Variants in CSNK1G1 observed in about 807,000 individuals in gnomAD.
CSNK1G1 encodes casein kinase I isoform gamma-1.
A neutral mutation model predicts 59.6 loss-of-function variants in CSNK1G1; 22 were observed. The observed-to-expected ratio is 0.37, with a 90% confidence interval of 0.26 to 0.53. CSNK1G1 has a LOEUF of 0.53. CSNK1G1 is among the 20% of genes least tolerant of loss of function. CSNK1G1 has a pLI of 0.89. For synonymous variants in CSNK1G1, 179 were observed against 177.1 expected (o/e 1.01, Z -0.08); for missense variants, 384 against 519.5 (o/e 0.74, Z 2.54).
chr15:64,300,486 C>A lies in CSNK1G1; in HGVS notation c.14G>T (p.Ser5Ile), dbSNP rs1596243916. 6.2e-7 allele frequency: 1 copy of A among 1,614,106 alleles called. No homozygotes were observed. The highest frequency in any genetic ancestry group is 8.5e-7 in the Non-Finnish European group (1 of 1,179,960). The change falls in exon 2 of 12, where the codon AGT (serine) becomes ATT (isoleucine). Residue 5 changes from serine (S) to isoleucine (I), a missense_variant. Physicochemically the swap from Ser to Ile is moderately radical, Grantham distance 142. Transcript: ENST00000303052. MDHPSREKDERQRTT... is the reference protein window; with the variant it reads MDHPIREKDERQRTT... ...CCGTTGTCTTTCATCCTTTTCCCTA[C>A]TAGGATGGTCCATGATCCTACAGGA...
At chr15:64,244,168 CA>C (rs1422223358) in intron 4 of CSNK1G1, among the ~76,000 whole-genome samples, 5 of 150,720 alleles carry the variant, frequency 3.3e-5, no homozygotes, top group African/African-American at 1.2e-4. Flanking sequence ...GACTCTGTCT[CA>C]AAAAATAAAA....
chr15:64,261,382 C>T (rs2140333065), intron 2 of CSNK1G1, among the ~76,000 whole-genome samples: 1 of 152,148 alleles, frequency 6.6e-6, no homozygotes, highest in Middle Eastern at 3.4e-3. Flanking sequence ...GGGTGGATCA[C>T]CTGAGGTCAG....
chr15:64,187,581 A>G (rs1193334760), intron 10 of CSNK1G1, among the ~76,000 whole-genome samples: 1 of 152,186 alleles, frequency 6.6e-6, no homozygotes, highest in Non-Finnish European at 1.5e-5. Context: ...AGATCTTTCC[A>G]TGAATCACTC....
intron 2 of CSNK1G1, among the ~76,000 whole-genome samples, chr15:64,282,497 C>T (rs1359843035): frequency 6.6e-6 from 1 of 152,028 alleles, no homozygotes. Flanking sequence ...AACTCCTGAC[C>T]TCAAGAGATC....
intron 4 of CSNK1G1, among the ~76,000 whole-genome samples, chr15:64,242,440 G>C (rs1458317291): frequency 6.6e-6 from 1 of 152,044 alleles, no homozygotes; most frequent in Non-Finnish European, 1.5e-5. Context: ...TTTGTATTGT[G>C]ATGTACCAGT....
intron 3 of CSNK1G1, among the ~76,000 whole-genome samples, chr15:64,253,066 C>T (rs773072909): frequency 3.3e-5 from 5 of 151,966 alleles, no homozygotes; most frequent in Admixed American, 2.0e-4. Context: ...TAAAATAGGA[C>T]GGGCATGGTG....
intron 2 of CSNK1G1, among the ~76,000 whole-genome samples, chr15:64,259,483 TACACACACACAC>T (rs59936401): frequency 0.033 from 4,680 of 139,800 alleles, 85 homozygotes; most frequent in African/African-American, 0.065. Flanking sequence ...AAATCTCTCT[TACACACACACAC>T]ACACACACAC....
chr15:64,206,106 G>A (rs1303863385), intron 7 of CSNK1G1, among the ~76,000 whole-genome samples: 2 of 152,168 alleles, frequency 1.3e-5, no homozygotes, highest in South Asian at 4.1e-4. Flanking sequence ...AGGAGCTCGA[G>A]ACCAGCCTGA....
At chr15:64,323,792 T>C (rs1566947732) in intron 1 of CSNK1G1, among the ~76,000 whole-genome samples, 1 of 152,202 alleles carries the variant, frequency 6.6e-6, no homozygotes, top group Non-Finnish European at 1.5e-5. Context: ...TATAGCTATG[T>C]GGAAATGCAA....
At chr15:64,284,944 C>T (rs1280184121) in intron 2 of CSNK1G1, among the ~76,000 whole-genome samples, 1 of 152,024 alleles carries the variant, frequency 6.6e-6, no homozygotes, top group African/African-American at 2.4e-5. Context: ...AAAAATTCCA[C>T]ATTTAGCCTT....
chr15:64,314,689 G>C (rs1173491026), intron 1 of CSNK1G1, among the ~76,000 whole-genome samples: 1 of 151,998 alleles, frequency 6.6e-6, no homozygotes, highest in Non-Finnish European at 1.5e-5. Context: ...TATGAGTTCA[G>C]TTGTTTTAGA....
intron 1 of CSNK1G1, among the ~76,000 whole-genome samples, chr15:64,346,420 GTTTTTATTTATT>G (rs1363196216): frequency 7.5e-6 from 1 of 133,348 alleles, no homozygotes; most frequent in African/African-American, 2.8e-5. Context: ...TTGGAAACGA[GTTTTTATTTATT>G]TATTTATTTA....
At chr15:64,302,307 G>A (rs1895398235) in intron 1 of CSNK1G1, among the ~76,000 whole-genome samples, 1 of 151,916 alleles carries the variant, frequency 6.6e-6, no homozygotes, top group African/African-American at 2.4e-5. Flanking sequence ...CACCATGTTG[G>A]CCAGGCTGGT....
Position 64,300,047 on chromosome 15 carries a change from T to C in CSNK1G1, c.181+272A>G, listed in dbSNP as rs56006354. 3.5e-3 allele frequency among the ~76,000 whole-genome samples: 528 copies of C among 152,282 alleles called. 5 individuals are homozygous for C. The highest frequency in any genetic ancestry group is 0.012 in the Admixed American group (188 of 15,286). On this transcript the variant is annotated intron_variant, in intron 2 of 11. Coordinates refer to ENST00000303052, the MANE Select transcript of CSNK1G1 (RefSeq NM_022048.5). ...ACATCCTAAATCAGAGTCTGCATTT[T>C]ACTGATATCTGTATGCAACTCTATG...
At chr15:64,230,724 C>T (rs535101690) in intron 4 of CSNK1G1, among the ~76,000 whole-genome samples, 1 of 152,214 alleles carries the variant, frequency 6.6e-6, no homozygotes, top group African/African-American at 2.4e-5. Flanking sequence ...TGTAATCCCA[C>T]CACTTTGGGA....
chr15:64,265,467 C>G (rs183029087), intron 2 of CSNK1G1, among the ~76,000 whole-genome samples: 1 of 152,284 alleles, frequency 6.6e-6, no homozygotes, highest in East Asian at 1.9e-4. Flanking sequence ...TGCACATGCT[C>G]TCTTTGCCTG....
intron 1 of CSNK1G1, among the ~76,000 whole-genome samples, chr15:64,320,605 G>A (rs780077426): frequency 2.0e-5 from 3 of 151,078 alleles, no homozygotes; most frequent in Non-Finnish European, 2.9e-5. Flanking sequence ...CTTGAGCCCA[G>A]GAAGTGGAGG....
At chr15:64,253,393 A>G (rs1892194945) in intron 3 of CSNK1G1, among the ~76,000 whole-genome samples, 1 of 152,164 alleles carries the variant, frequency 6.6e-6, no homozygotes, top group African/African-American at 2.4e-5. Context: ...ACCCATTAGG[A>G]TGGCTATTAT....
At chr15:64,267,613 C>A (rs574884283) in intron 2 of CSNK1G1, among the ~76,000 whole-genome samples, 1 of 152,240 alleles carries the variant, frequency 6.6e-6, no homozygotes, top group African/African-American at 2.4e-5. Context: ...CAATGAGAAA[C>A]CACCTCACTC....
Sources: allele counts gnomAD v4.1 joint callset (sites outside exome capture counted in the v4.1 genomes callset), GRCh38; gene constraint gnomAD v4.1.1; transcripts MANE v1.5; gene names NCBI Gene and HGNC (gene_info 2026-07-23, HGNC 2026-07-21).